The following KCNH2 variants were observed in gnomAD, a reference collection of about 807,000 sequenced individuals.
The protein encoded by KCNH2 is potassium voltage-gated channel subfamily H member 2.
In KCNH2, 35 loss-of-function variants were observed where a neutral mutation model predicts 95.9. That is an observed-to-expected ratio of 0.37 (90% CI 0.28 to 0.48). The LOEUF (loss-of-function observed/expected upper bound fraction) is 0.48, where lower values mean the gene tolerates loss of function less well. KCNH2 is among the 20% of genes least tolerant of loss of function. The pLI is 0.99. For synonymous variants in KCNH2, 786 were observed against 754.7 expected (o/e 1.04, Z -0.68); for missense variants, 1,274 against 1,702.9 (o/e 0.75, Z 4.43).
Position 150,952,298 on chromosome 7 carries a change from G to GTCTTTCTC in KCNH2, c.1557+119_1557+126dup, listed in dbSNP as rs41307298. ...CTTGCCACCATGTCTCTCTCCCACT[G>GTCTTTCTC]TCTTTCTCTCTTTCTCTCTCTCTCT... On this transcript the variant is annotated intron_variant, in intron 6 of 14. Coordinates refer to ENST00000262186, the MANE Select transcript of KCNH2 (RefSeq NM_000238.4). The surrounding 1 kb of genome is among the most constrained non-coding windows in gnomAD (Gnocchi z 7.3). 224,786 of 1,010,586 alleles carry GTCTTTCTC rather than the reference G, an allele frequency of 0.22. 28,052 individuals carry two copies. Among genetic ancestry groups the GTCTTTCTC allele is most frequent in the East Asian group, 0.61 (21,182 of 34,922 alleles). 62.6% of individuals were successfully genotyped at this position (1,010,586 alleles called of 1,614,324 possible).
intron 8 of KCNH2, 125 bp downstream of exon 8, chr7:150,950,796 G>GTGC (rs1801119005): frequency 1.0e-6 from 1 of 1,001,216 alleles, no homozygotes; most frequent in Non-Finnish European, 1.5e-6. Context: ...AAGGGGCAAC[G>GTGC]TGCCTCCAGG....
Position 150,958,433 on chromosome 7 carries a change from C to T in KCNH2, c.542G>A (p.Arg181Gln), listed in dbSNP as rs41308954. ...GCCCGCGCCGCCCGCGCCGCCCGAC[C>T]GCACCGACGACTCCCGGGCCGTCAG... ...LALTARESSVRSGGAGGAGAP... is the reference protein window; with the variant it reads ...LALTARESSVQSGGAGGAGAP... The change falls in exon 4 of 15, where the codon CGG (arginine) becomes CAG (glutamine). Residue 181 changes from arginine to glutamine, a missense_variant. Around this residue, in one of 7 missense-constraint regions of KCNH2, gnomAD observed 392 missense variants for 429.9 expected, o/e 0.91. Coordinates refer to ENST00000262186, the MANE Select transcript of KCNH2 (RefSeq NM_000238.4). 772 of 1,458,078 alleles carry T rather than the reference C, an allele frequency of 5.3e-4. 2 individuals are homozygous for T. The African/African-American group carries it at 0.01, about 20-fold the overall frequency. The allele number at this position is 1,458,078 out of a possible 1,614,324, so 90.3% of individuals were successfully genotyped here.
intron 7 of KCNH2, 42 bp from the exon 8 acceptor site, chr7:150,951,162 C>A (rs1801140009): frequency 2.6e-6 from 4 of 1,517,314 alleles, no homozygotes; most frequent in Non-Finnish European, 3.6e-6. Context: ...TCTGCAGGGA[C>A]CCCACCCACC....
At chr7:150,964,735 C>T (rs1801655472) in intron 2 of KCNH2, among the ~76,000 whole-genome samples, 1 of 152,238 alleles carries the variant, frequency 6.6e-6, no homozygotes, top group African/African-American at 2.4e-5. Flanking sequence ...GTGCCCAGGA[C>T]AGGCCCAAAG....
chr7:150,968,316 G>C lies in KCNH2; in HGVS notation c.307+6395C>G, dbSNP rs144227820. On this transcript the variant is annotated intron_variant, in intron 2 of 14. Transcript: ENST00000262186. The stretch of plus-strand genomic sequence containing the variant: ...ACCATGTCCAAGGATATTCACTACA[G>C]CCTCATTTACAGTGGCTGGGAGTTG... 6.6e-5 allele frequency among the ~76,000 whole-genome samples: 10 copies of C among 152,308 alleles called. No homozygotes were observed. In the East Asian group the frequency reaches 1.9e-3, roughly 29 times the overall value.
chr7:150,947,457 T>A lies in KCNH2; in HGVS notation c.3023A>T (p.Gln1008Leu). 6.4e-7 allele frequency: 1 copy of A among 1,568,558 alleles called. No individual in the cohort carries two copies. Among genetic ancestry groups the A allele is most frequent in the Non-Finnish European group, 8.6e-7 (1 of 1,157,362 alleles). Residue 1008 changes from glutamine (Q) to leucine (L), a missense_variant, in exon 13 of 15, where the codon CAG becomes CTG. Physicochemically the swap from Gln to Leu is moderately radical, Grantham distance 113. Around this residue, in one of 7 missense-constraint regions of KCNH2, gnomAD observed 457 missense variants for 416.1 expected, o/e 1.10. Coordinates refer to ENST00000262186, the MANE Select transcript of KCNH2 (RefSeq NM_000238.4). ...FSFWGDSRGR[Q>L]YQELPRCPAP... ...GGGGCATCGAGGGAGCTCCTGGTAC[T>A]GGCGGCCCCGACTGTCCCCCCAGAA...
chr7:150,948,857 T>C lies in KCNH2; in HGVS notation c.2591A>G (p.Asp864Gly), dbSNP rs199473008. 8.7e-6 allele frequency: 14 copies of C among 1,614,044 alleles called. No individual in the cohort carries two copies. Among genetic ancestry groups the C allele is most frequent in the Non-Finnish European group, 1.2e-5 (14 of 1,179,980 alleles). The change falls in exon 10 of 15, where the codon GAT (aspartate) becomes GGT (glycine). Residue 864 changes from aspartate (D) to glycine (G), a missense_variant and splice_region_variant. By Grantham distance (94) the Asp-to-Gly change is moderately conservative. This residue lies in a region of KCNH2 where 159 missense variants were observed against 282.5 expected (regional missense o/e 0.56). Coordinates refer to ENST00000262186, the MANE Select transcript of KCNH2 (RefSeq NM_000238.4). ...TCCAGCTCAGGGCAGCCAACTCACA[T>C]CTCGCAGGTTGAAGGTGATCTCCAG... ...SSLEITFNLRDTNMIPGSPGS... is the reference protein window; with the variant it reads ...SSLEITFNLRGTNMIPGSPGS...
chr7:150,947,733 T>C lies in KCNH2; in HGVS notation c.2838A>G (p.Pro946=). The change falls in exon 12 of 15, where the codon CCA becomes CCG. Residue 946 remains proline, a synonymous_variant. Coordinates refer to ENST00000262186, the MANE Select transcript of KCNH2 (RefSeq NM_000238.4). The part of the protein sequence containing the change: ...SSPESSEDEG[P]GRSSSPLRLV... ...GGCGGAGGGGGCTGGAGCTGCGGCC[T>C]GGGCCCTCATCCTCACTGCTCTCAG... 1 of 1,560,600 alleles carries C rather than the reference T, an allele frequency of 6.4e-7. No individual in the cohort carries two copies. Among genetic ancestry groups the C allele is most frequent in the South Asian group, 1.2e-5 (1 of 85,838 alleles).
At chr7:150,975,486 C>G (rs371619730) in intron 1 of KCNH2, among the ~76,000 whole-genome samples, 3 of 152,140 alleles carry the variant, frequency 2.0e-5, no homozygotes, top group Non-Finnish European at 4.4e-5. Context: ...GTCAGTACCC[C>G]CTAGAACTTC....
intron 2 of KCNH2, among the ~76,000 whole-genome samples, chr7:150,974,386 G>A (rs1465560515): frequency 2.0e-5 from 3 of 152,190 alleles, no homozygotes; most frequent in African/African-American, 4.8e-5. Flanking sequence ...TCCCAGCTCG[G>A]TCTAACTCTA....
chr7:150,970,153 T>C (rs1164694302), intron 2 of KCNH2, among the ~76,000 whole-genome samples: 2 of 151,046 alleles, frequency 1.3e-5, no homozygotes, highest in Non-Finnish European at 3.0e-5. Flanking sequence ...AAGGGAGGAG[T>C]TTCAGGAACG....
Position 150,946,931 on chromosome 7 carries a change from G to A in KCNH2, c.3276C>T (p.Ser1092=), listed in dbSNP as rs776100082. ...TTPGPGPTST[S]PLLPVSPLPT... is the part of the protein sequence containing the mutation. ...GGAGGGGGCTGACGGGCAACAGCGGGGATGTGGAAGTGGGGCCAGGCCCCG... is the reference window on the plus strand; with the variant it reads ...GGAGGGGGCTGACGGGCAACAGCGGAGATGTGGAAGTGGGGCCAGGCCCCG... The change falls in exon 14 of 15, where the codon TCC becomes TCT. Residue 1092 remains serine, a synonymous_variant. Coordinates refer to ENST00000262186, the MANE Select transcript of KCNH2 (RefSeq NM_000238.4). This position sits in a 1 kb window ranked among gnomAD's most constrained non-coding sequence, Gnocchi z 6.5. 20 of 1,602,150 alleles carry A rather than the reference G, an allele frequency of 1.2e-5. No homozygotes were observed. The highest frequency in any genetic ancestry group is 1.5e-5 in the Non-Finnish European group (18 of 1,172,454).
At chr7:150,974,968 G>A in intron 1 of KCNH2, 27 bp from the exon 2 acceptor site, 1 of 1,552,226 alleles carries the variant, frequency 6.4e-7, no homozygotes, top group Non-Finnish European at 8.7e-7. Context: ...GAGAGTGCGC[G>A]TGAGCGGGGA....
intron 2 of KCNH2, among the ~76,000 whole-genome samples, chr7:150,972,360 C>A (rs1801862707): frequency 6.6e-6 from 1 of 152,212 alleles, no homozygotes; most frequent in Non-Finnish European, 1.5e-5. Context: ...CGCCTCCCTA[C>A]CAGGCCCATG....
chr7:150,966,390 CCCACACA>C (rs1801705850), intron 2 of KCNH2, among the ~76,000 whole-genome samples: 1 of 63,980 alleles, frequency 1.6e-5, no homozygotes, highest in Non-Finnish European at 2.9e-5. Context: ...CTCCCCCCCC[CCCACACA>C]CACACACACA....
chr7:150,953,187 C>T (rs1777481208), intron 5 of KCNH2, among the ~76,000 whole-genome samples: 1 of 152,208 alleles, frequency 6.6e-6, no homozygotes, highest in South Asian at 2.1e-4. Context: ...CCCTGAGACG[C>T]TGGCCCACAC....
chr7:150,976,221 T>C (rs1801976113), intron 1 of KCNH2, among the ~76,000 whole-genome samples: 1 of 151,882 alleles, frequency 6.6e-6, no homozygotes, highest in African/African-American at 2.4e-5. Context: ...CAATCCTACG[T>C]GCAAAGCTGG....
At chr7:150,968,378 G>A (rs1221899420) in intron 2 of KCNH2, among the ~76,000 whole-genome samples, 4 of 152,168 alleles carry the variant, frequency 2.6e-5, no homozygotes, top group African/African-American at 9.7e-5. Context: ...AGAGTGGGTG[G>A]GTGAAGCGTG....
In KCNH2 at chr7:150,945,572, G is replaced by A; in HGVS notation, c.3331-58C>T. 3.3e-6 allele frequency: 5 copies of A among 1,531,878 alleles called. No homozygotes were observed. Among genetic ancestry groups the A allele is most frequent in the Non-Finnish European group, 4.4e-6 (5 of 1,128,896 alleles). The allele number at this position is 1,531,878 out of a possible 1,614,324, so 94.9% of individuals were successfully genotyped here. ...AGGCCATGGAGGAGGAGGAAGGGGA[G>A]GGAAAGGGGCAGGAGAACCCGGGGA... On this transcript the variant is annotated intron_variant, in intron 14 of 14. Coordinates refer to ENST00000262186, the MANE Select transcript of KCNH2 (RefSeq NM_000238.4). This position sits in a 1 kb window ranked among gnomAD's most constrained non-coding sequence, Gnocchi z 5.6.
Sources: allele counts gnomAD v4.1 joint callset (sites outside exome capture counted in the v4.1 genomes callset), GRCh38; gene constraint gnomAD v4.1.1; regional missense constraint gnomAD v4.1.1; non-coding constraint Gnocchi (gnomAD v3.1); transcripts MANE v1.5; gene names NCBI Gene and HGNC (gene_info 2026-07-23, HGNC 2026-07-21).